The following AADAT variants were observed in gnomAD, a reference collection of about 807,000 sequenced individuals.
AADAT encodes kynurenine/alpha-aminoadipate aminotransferase, mitochondrial.
A neutral mutation model predicts 56.2 loss-of-function variants in AADAT; 25 were observed. The observed-to-expected ratio is 0.44, with a 90% CI of 0.32 to 0.62. AADAT has a LOEUF of 0.62. AADAT is among the 20% of genes least tolerant of loss of function. The pLI is 0.04. For synonymous variants in AADAT, 173 were observed against 164.7 expected, an observed-to-expected ratio of 1.05 and a Z score of -0.39; for missense variants, 387 against 510.5, an observed-to-expected ratio of 0.76 and a Z score of 2.33.
intron 12 of AADAT, 69 bp downstream of exon 12, chr4:170,061,823 A>G (rs553269600): frequency 9.2e-7 from 1 of 1,083,056 alleles, no homozygotes; most frequent in East Asian, 2.5e-5. Flanking sequence ...CTAATTCACA[A>G]AGTATACACG....
intron 11 of AADAT, among the ~76,000 whole-genome samples, chr4:170,063,395 C>T (rs570912206): frequency 1.3e-5 from 2 of 152,310 alleles, no homozygotes; most frequent in South Asian, 4.2e-4. Context: ...AGTCTATATC[C>T]TTAGCGCCTC....
At chr4:170,067,273 A>G in intron 9 of AADAT, 54 bp downstream of exon 9, 1 of 1,338,264 alleles carries the variant, frequency 7.5e-7, no homozygotes, top group Non-Finnish European at 1.1e-6. Context: ...GATCTGTACT[A>G]TGTTCACTGG....
At chr4:170,092,357 C>A (rs527903984), upstream of AADAT, among the ~76,000 whole-genome samples, 1 of 152,134 alleles carries the variant, frequency 6.6e-6, no homozygotes, top group Non-Finnish European at 1.5e-5. Flanking sequence ...CAAATCCAGC[C>A]GAGCTGTCTT....
chr4:170,089,887 G>A lies in AADAT; in HGVS notation c.-197C>T. 1.7e-6 allele frequency: 1 copy of A among 601,622 alleles called. No individual in the cohort carries two copies. The highest frequency in any genetic ancestry group is 1.9e-5 in the South Asian group (1 of 52,194). 37.3% of individuals were successfully genotyped at this position (601,622 alleles called of 1,614,324 possible). A position where few individuals can be genotyped will look rare whatever the true frequency, so the allele number is the denominator to read the frequency against. On this transcript the variant is annotated 5_prime_UTR_variant, in exon 1 of 13. Coordinates refer to ENST00000337664, the MANE Select transcript of AADAT (RefSeq NM_016228.4). ...AACTCCCCGGCTGGACGCTGCGTTC[G>A]GTCTCCCGGTCCTAAACGGGTCTGG...
chr4:170,090,213 C>G (rs557042085), upstream of AADAT: 2 of 152,254 alleles, frequency 1.3e-5, no homozygotes, highest in Non-Finnish European at 2.9e-5. Context: ...AGAGGCTAGC[C>G]CAGGGGCTGA....
At chr4:170,087,366 T>A in intron 2 of AADAT, 118 bp from the exon 3 acceptor site, 1 of 932,196 alleles carries the variant, frequency 1.1e-6, no homozygotes, top group Non-Finnish European at 1.6e-6. Flanking sequence ...TAAAAAACCC[T>A]CAAATGCTTT....
At chr4:170,069,050 G>C in intron 7 of AADAT, 98 bp downstream of exon 7, 1 of 987,246 alleles carries the variant, frequency 1.0e-6, no homozygotes, top group Non-Finnish European at 1.5e-6. Context: ...TAGACTACAA[G>C]CATTTTAAGT....
chr4:170,082,549 A>G (rs922177987), intron 3 of AADAT, among the ~76,000 whole-genome samples: 1 of 152,198 alleles, frequency 6.6e-6, no homozygotes, highest in Non-Finnish European at 1.5e-5. Flanking sequence ...CCAGAACACA[A>G]GCAACAAAAT....
chr4:170,067,629 T>A (rs150431255), intron 8 of AADAT, among the ~76,000 whole-genome samples: 166 of 152,302 alleles, frequency 1.1e-3, no homozygotes, highest in African/African-American at 3.8e-3. Context: ...AAGATACTAA[T>A]ATATTTTACC....
At chr4:170,090,002 C>G (rs983526217), upstream of AADAT, 1 of 172,124 alleles carries the variant, frequency 5.8e-6, no homozygotes, top group Non-Finnish European at 1.2e-5. Flanking sequence ...GCGGGCCTCG[C>G]CGCGCCCCCT....
upstream of AADAT, among the ~76,000 whole-genome samples, chr4:170,091,153 G>T (rs2111226272): frequency 6.6e-6 from 1 of 152,196 alleles, no homozygotes; most frequent in East Asian, 1.9e-4. Context: ...CCTTCAGCCC[G>T]CCGCTGCACT....
In AADAT at chr4:170,060,787, G is replaced by A; in HGVS notation, c.*141C>T. 2.0e-6 allele frequency: 1 copy of A among 510,332 alleles called. No homozygotes were observed. The highest frequency in any genetic ancestry group is 4.4e-5 in the South Asian group (1 of 22,874). 31.6% of individuals were successfully genotyped at this position (510,332 alleles called of 1,614,324 possible). A position where few individuals can be genotyped will look rare whatever the true frequency, so the allele number is the denominator to read the frequency against. ...CTTGTTCTGCCATGCAGGCCAGAGT[G>A]CATGCAGGCCAGAGTGCAGTGGTGT... On this transcript the variant is annotated 3_prime_UTR_variant, in exon 13 of 13. Coordinates refer to ENST00000337664, the MANE Select transcript of AADAT (RefSeq NM_016228.4).
chr4:170,076,897 G>A (rs1224851877), intron 4 of AADAT, among the ~76,000 whole-genome samples: 4 of 152,154 alleles, frequency 2.6e-5, no homozygotes, highest in Admixed American at 2.6e-4. Context: ...ATGGTGTGAA[G>A]TAAGGGTCCA....
chr4:170,074,791 T>C (rs1378257570), intron 4 of AADAT, among the ~76,000 whole-genome samples: 1 of 152,098 alleles, frequency 6.6e-6, no homozygotes, highest in Non-Finnish European at 1.5e-5. Context: ...TTGCTAAGGC[T>C]GAACTGGCTT....
chr4:170,073,204 T>C lies in AADAT; in HGVS notation c.586A>G (p.Thr196Ala). 1 of 1,614,148 alleles carries C rather than the reference T, an allele frequency of 6.2e-7. No individual in the cohort carries two copies. The highest frequency in any genetic ancestry group is 8.5e-7 in the Non-Finnish European group (1 of 1,180,024). Residue 196 changes from threonine (T) to alanine (A), a missense_variant, in exon 5 of 13, where the codon ACT (threonine) becomes GCT (alanine). Physicochemically the swap from Thr to Ala is moderately conservative, Grantham distance 58. Transcript: ENST00000337664. ...PQKNTPKFLY[T>A]VPNGNNPTGN... ...GTAGGGTTGTTGCCATTTGGAACAG[T>C]ATAAAGAAATTTGGGGGTGTTTTTC...
chr4:170,067,956 T>C (rs1283074615), intron 8 of AADAT, among the ~76,000 whole-genome samples: 2 of 151,912 alleles, frequency 1.3e-5, no homozygotes, highest in Non-Finnish European at 2.9e-5. Context: ...CTGGCTAACA[T>C]GGTGAAACTC....
chr4:170,063,390 A>G (rs1011404639), intron 11 of AADAT, among the ~76,000 whole-genome samples: 1 of 152,242 alleles, frequency 6.6e-6, no homozygotes, highest in South Asian at 2.1e-4. Context: ...AACAAAGTCT[A>G]TATCCTTAGC....
At chr4:170,082,223 A>G (rs930593542) in intron 3 of AADAT, among the ~76,000 whole-genome samples, 2 of 152,248 alleles carry the variant, frequency 1.3e-5, no homozygotes, top group South Asian at 2.1e-4. Flanking sequence ...ATGTTAAGAT[A>G]GGTAATATGT....
At chr4:170,088,616 C>G in intron 1 of AADAT, 52 bp from the exon 2 acceptor site, 1 of 1,550,514 alleles carries the variant, frequency 6.4e-7, no homozygotes, top group Non-Finnish European at 8.9e-7. Context: ...TTGTTATAAG[C>G]GGATAGTTAA....
Sources: allele counts gnomAD v4.1 joint callset (sites outside exome capture counted in the v4.1 genomes callset), GRCh38; gene constraint gnomAD v4.1.1; transcripts MANE v1.5; gene names NCBI Gene and HGNC (gene_info 2026-07-23, HGNC 2026-07-21).